The following NCOA1 variants were observed in gnomAD, a reference collection of about 807,000 sequenced individuals.
NCOA1 encodes nuclear receptor coactivator 1.
Under a neutral mutation model 150.9 loss-of-function variants are expected in NCOA1, and 35 were observed. The observed-to-expected ratio is 0.23, with a 90% confidence interval of 0.18 to 0.31. The LOEUF is 0.31. Among genes scored for constraint, NCOA1 ranks in the 10% least tolerant of loss-of-function variants. The pLI is 1.00. For missense variants in NCOA1, 1,491 were observed against 1,749.3 expected, an observed-to-expected ratio of 0.85 and a Z score of 2.63; for synonymous variants, 590 against 630.0, an observed-to-expected ratio of 0.94 and a Z score of 0.95.
At chr2:24,751,057 G>A (rs1042914500) in intron 19 of NCOA1, among the ~76,000 whole-genome samples, 26 of 148,936 alleles carry the variant, frequency 1.7e-4, no homozygotes, top group African/African-American at 4.0e-4. Flanking sequence ...GTGCGATCTC[G>A]TCTCACTGCA....
intron 1 of NCOA1, among the ~76,000 whole-genome samples, chr2:24,519,193 A>G (rs940726564): frequency 2.0e-5 from 3 of 152,236 alleles, no homozygotes; most frequent in Admixed American, 6.5e-5. Context: ...AACAAAATGT[A>G]TATGTATACA....
intron 1 of NCOA1, among the ~76,000 whole-genome samples, chr2:24,522,090 A>G (rs1664439924): frequency 6.6e-6 from 1 of 152,214 alleles, no homozygotes; most frequent in African/African-American, 2.4e-5. Flanking sequence ...TGAGGGCAGA[A>G]TAGAATAGTA....
chr2:24,751,107 C>A (rs562780122), intron 19 of NCOA1, among the ~76,000 whole-genome samples: 1 of 150,882 alleles, frequency 6.6e-6, no homozygotes, highest in African/African-American at 2.4e-5. Context: ...CGTGCCTCAG[C>A]CTTCCAAGTA....
At position 24,739,413 on chromosome 2, in the gene NCOA1, T is replaced by C. The variant is rs757491930; in HGVS notation, c.3202-19T>C. ...GCTTGTGTGTAGAAATATATCTTAT[T>C]GTTTCCATTTTTCTCTAGTTGATAC... On this transcript the variant is annotated intron_variant, in intron 17 of 22. Transcript: ENST00000348332. The C allele has an allele frequency of 4.0e-5, 61 of 1,540,928 alleles. No homozygotes were observed. Among genetic ancestry groups the C allele is most frequent in the Non-Finnish European group, 4.5e-5 (50 of 1,113,852 alleles).
intron 3 of NCOA1, among the ~76,000 whole-genome samples, chr2:24,608,245 CCTATTA>C (rs1261305666): frequency 2.4e-5 from 3 of 127,550 alleles, no homozygotes; most frequent in African/African-American, 5.9e-5. Context: ...ACCCAGTTCC[CCTATTA>C]TTATTATTAT....
Position 24,707,553 on chromosome 2 carries a change from C to T in NCOA1, c.2083C>T (p.Gln695Ter). The T allele has an allele frequency of 6.2e-7, 1 of 1,614,176 alleles. No individual in the cohort carries two copies. Among genetic ancestry groups the T allele is most frequent in the Non-Finnish European group, 8.5e-7 (1 of 1,180,038 alleles). The change falls in exon 13 of 23, where the codon CAG (glutamine) becomes TAG (stop). Residue 695 changes from glutamine to a stop codon, truncating the protein, a stop_gained. Coordinates refer to ENST00000348332, the MANE Select transcript of NCOA1 (RefSeq NM_003743.5). LOFTEE classifies it high-confidence loss of function. ...GCATAAAATTCTACACCGGCTCTTA[C>T]AGGAGGGTAGCCCCTCAGATATCAC... ...ERHKILHRLL[Q>*]EGSPSDITTL...
chr2:24,653,996 C>T (rs1208387267), intron 4 of NCOA1, among the ~76,000 whole-genome samples: 1 of 152,032 alleles, frequency 6.6e-6, no homozygotes, highest in African/African-American at 2.4e-5. Context: ...TTTTGTATTA[C>T]TAAATTTTAA....
chr2:24,498,935 A>G (rs994449749), intron 1 of NCOA1, among the ~76,000 whole-genome samples: 140 of 152,086 alleles, frequency 9.2e-4, no homozygotes, highest in African/African-American at 3.3e-3. Flanking sequence ...GTATATTTAA[A>G]CACAGATTAT....
At chr2:24,605,777 G>T (rs1668335716) in intron 3 of NCOA1, among the ~76,000 whole-genome samples, 1 of 152,154 alleles carries the variant, frequency 6.6e-6, no homozygotes, top group Admixed American at 6.5e-5. Context: ...ATTCTAGTCA[G>T]TAGAATGTGA....
chr2:24,545,861 C>T (rs905912503), intron 1 of NCOA1, among the ~76,000 whole-genome samples: 6 of 152,144 alleles, frequency 3.9e-5, no homozygotes, highest in Non-Finnish European at 5.9e-5. Context: ...GGCACGATCT[C>T]GGCTCACTGC....
Position 24,739,422 on chromosome 2 carries a change from T to G in NCOA1, c.3202-10T>G. ...TAGAAATATATCTTATTGTTTCCATTTTTCTCTAGTTGATACACCAAAATC... is the reference window on the plus strand; with the variant it reads ...TAGAAATATATCTTATTGTTTCCATGTTTCTCTAGTTGATACACCAAAATC... On this transcript the variant is annotated splice_polypyrimidine_tract_variant and intron_variant, in intron 17 of 22. Transcript: ENST00000348332. The G allele has an allele frequency of 1.3e-6, 2 of 1,591,384 alleles. No homozygotes were observed. The highest frequency in any genetic ancestry group is 1.7e-6 in the Non-Finnish European group (2 of 1,159,550).
At chr2:24,495,908 C>G (rs189393622) in intron 1 of NCOA1, among the ~76,000 whole-genome samples, 1 of 152,290 alleles carries the variant, frequency 6.6e-6, no homozygotes, top group East Asian at 1.9e-4. Context: ...GGCACATAGA[C>G]ATTAATGACT....
At chr2:24,749,417 C>T (rs780783183) in intron 19 of NCOA1, among the ~76,000 whole-genome samples, 3 of 152,294 alleles carry the variant, frequency 2.0e-5, no homozygotes, top group Non-Finnish European at 4.4e-5. Context: ...AGCTGATGCG[C>T]GCACGCGGGC....
chr2:24,594,537 CA>C (rs1031297694), intron 3 of NCOA1, among the ~76,000 whole-genome samples: 2 of 152,076 alleles, frequency 1.3e-5, no homozygotes, highest in Non-Finnish European at 2.9e-5. Flanking sequence ...GAAATTTGCA[CA>C]AAAGATGTAC....
chr2:24,748,616 C>CA (rs60280796), intron 19 of NCOA1, among the ~76,000 whole-genome samples: 5,149 of 103,646 alleles, frequency 0.05, 160 homozygotes, highest in East Asian at 0.11. Flanking sequence ...AACTCGGTCT[C>CA]AAAAAAAAAA....
chr2:24,595,989 T>C (rs1667869462), intron 3 of NCOA1, among the ~76,000 whole-genome samples: 1 of 152,142 alleles, frequency 6.6e-6, no homozygotes. Flanking sequence ...AGGTAGACTT[T>C]CAGGAGTGAG....
Position 24,707,836 on chromosome 2 carries a change from C to T in NCOA1, c.2366C>T (p.Thr789Ile), listed in dbSNP as rs1426691765. ...EQMDPCNTNP[T>I]PMTKPTPEEI... ...ATGGATCCATGTAATACAAACCCAA[C>T]CCCAATGACCAAACCCACTCCTGAG... The change falls in exon 13 of 23, where the codon ACC becomes ATC. Residue 789 changes from threonine (T) to isoleucine (I), a missense_variant. Thr to Ile is a moderately conservative substitution (Grantham distance 89). Around this residue, in one of 8 missense-constraint regions of NCOA1, gnomAD observed 703 missense variants for 717.7 expected, o/e 0.98. Transcript: ENST00000348332. The T allele has an allele frequency of 6.2e-7, 1 of 1,612,726 alleles. No individual in the cohort carries two copies. Among genetic ancestry groups the T allele is most frequent in the South Asian group, 1.1e-5 (1 of 90,620 alleles).
At chr2:24,657,786 A>G (rs1183284886) in intron 4 of NCOA1, among the ~76,000 whole-genome samples, 2 of 152,352 alleles carry the variant, frequency 1.3e-5, no homozygotes, top group East Asian at 3.9e-4. Flanking sequence ...AGGTTCTCCC[A>G]TTTAACAAGA....
intron 1 of NCOA1, among the ~76,000 whole-genome samples, chr2:24,496,858 A>G (rs1210329614): frequency 6.6e-6 from 1 of 152,236 alleles, no homozygotes; most frequent in Non-Finnish European, 1.5e-5. Flanking sequence ...CTTTTGAGTA[A>G]TGTGTAAGCT....
Sources: allele counts gnomAD v4.1 joint callset (sites outside exome capture counted in the v4.1 genomes callset), GRCh38; gene constraint gnomAD v4.1.1; regional missense constraint gnomAD v4.1.1; transcripts MANE v1.5; gene names NCBI Gene and HGNC (gene_info 2026-07-23, HGNC 2026-07-21).